The following LTBP4 variants were observed in gnomAD, a reference collection of about 807,000 sequenced individuals.
LTBP4 encodes latent-transforming growth factor beta-binding protein 4.
In LTBP4, 93 loss-of-function variants were observed where a neutral mutation model predicts 180.2. That is an observed-to-expected ratio of 0.52 (90% confidence interval 0.44 to 0.61). The LOEUF (loss-of-function observed/expected upper bound fraction) is 0.61. Among genes scored for constraint, LTBP4 ranks in the 20% least tolerant of loss-of-function variants. The pLI is 0.00. For missense variants in LTBP4, 2,116 were observed against 2,256.5 expected (o/e 0.94, Z 1.26); for synonymous variants, 947 against 934.5 (o/e 1.01, Z -0.24).
intron 7 of LTBP4, 32 bp from the exon 8 acceptor site, chr19:40,608,188 G>A: frequency 6.2e-7 from 1 of 1,613,124 alleles, no homozygotes; most frequent in Non-Finnish European, 8.5e-7. Context: ...CCGCTCTCTT[G>A]TCCTCTCTCT....
rs1166174027 is a variant in LTBP4 at position 40,611,256 on chromosome 19, G to T, written c.1915G>T (p.Ala639Ser). 2.4e-5 allele frequency: 38 copies of T among 1,612,846 alleles called. No homozygotes were observed. The highest frequency in any genetic ancestry group is 2.9e-5 in the Non-Finnish European group (34 of 1,179,550). Residue 639 changes from alanine to serine, a missense_variant, in exon 13 of 30, where the codon GCG (alanine) becomes TCG (serine). Physicochemically the swap from Ala to Ser is moderately conservative, Grantham distance 99. Around this residue, in one of 5 missense-constraint regions of LTBP4, gnomAD observed 877 missense variants for 873.6 expected, o/e 1.00. Coordinates refer to ENST00000396819, the MANE Select transcript of LTBP4 (RefSeq NM_001042545.2). The surrounding 1 kb of genome is among the most constrained non-coding windows in gnomAD (Gnocchi z 4.4). ...TTGCCCGGCTGGCTTCCGGGGCTCG[G>T]CGTGTGAAGAGGATGTGGATGAGTG... ...CVCPAGFRGSACEEDVDECAQ... is the reference protein window; with the variant it reads ...CVCPAGFRGSSCEEDVDECAQ...
At chr19:40,608,136 C>T in intron 7 of LTBP4, 84 bp from the exon 8 acceptor site, 2 of 1,498,592 alleles carry the variant, frequency 1.3e-6, no homozygotes, top group East Asian at 2.3e-5. Flanking sequence ...CAAGCCCTGC[C>T]CCTAGCCAAG....
At chr19:40,618,968 C>T (rs1485639113) in intron 21 of LTBP4, among the ~76,000 whole-genome samples, 1 of 152,046 alleles carries the variant, frequency 6.6e-6, no homozygotes, top group Non-Finnish European at 1.5e-5. Context: ...CTAACATCTC[C>T]AGTGGGCCAC....
chr19:40,611,071 G>T lies in LTBP4; in HGVS notation c.1811-81G>T. The T allele has an allele frequency of 6.3e-7, 1 of 1,577,590 alleles. No homozygotes were observed. Among genetic ancestry groups the T allele is most frequent in the Non-Finnish European group, 8.7e-7 (1 of 1,152,326 alleles). The stretch of plus-strand genomic sequence containing the variant: ...AGAGATGGGGTCACGGGGACAGAAT[G>T]TTGGAGGGTGGAAAGCCAAAGTGAC... On this transcript the variant is annotated intron_variant, in intron 12 of 29. Transcript: ENST00000396819. This position sits in a 1 kb window ranked among gnomAD's most constrained non-coding sequence, Gnocchi z 4.4.
At position 40,616,952 on chromosome 19, in the gene LTBP4, CT is replaced by C; in HGVS notation, c.2877del (p.Gly960AlafsTer66). On this transcript the variant is annotated frameshift_variant, in exon 20 of 30. Transcript: ENST00000396819. LOFTEE classifies it high-confidence loss of function. ...ICGAQRCENT[P>X]GSYRCTPACD... is the part of the protein sequence containing the mutation. ...GGAGCCCAGCGTTGTGAGAACACCCCTGGCTCCTACCGCTGCACACCAGCCT... is the reference window on the plus strand; with the variant it reads ...GGAGCCCAGCGTTGTGAGAACACCCCGGCTCCTACCGCTGCACACCAGCCT... 1 of 1,614,020 alleles carries C rather than the reference CT, an allele frequency of 6.2e-7. No homozygotes were observed. Among genetic ancestry groups the C allele is most frequent in the Non-Finnish European group, 8.5e-7 (1 of 1,179,894 alleles).
At chr19:40,610,917 G>A (rs1232382095) in intron 12 of LTBP4, 1 of 719,902 alleles carries the variant, frequency 1.4e-6, no homozygotes, top group African/African-American at 1.8e-5. Flanking sequence ...ATCGGGTAAG[G>A]GGAGCAGAGT....
chr19:40,621,787 C>T (rs994756279), intron 22 of LTBP4, among the ~76,000 whole-genome samples: 18 of 152,232 alleles, frequency 1.2e-4, no homozygotes, highest in Middle Eastern at 3.4e-3. Flanking sequence ...CTCGCTCTGT[C>T]GCCCAGGCTA....
In LTBP4 at chr19:40,605,945, C is replaced by G. The variant is rs2081458204; in HGVS notation, c.793+114C>G. The stretch of plus-strand genomic sequence containing the variant: ...TTCACAAATTGTAGCCACGCCTACC[C>G]CATTGTGGAGGCGACTTCCAGTCCT... On this transcript the variant is annotated intron_variant, in intron 4 of 29. Transcript: ENST00000396819. The surrounding 1 kb of genome is among the most constrained non-coding windows in gnomAD (Gnocchi z 5.5). 1 of 1,208,738 alleles carries G rather than the reference C, an allele frequency of 8.3e-7. No homozygotes were observed. Among genetic ancestry groups the G allele is most frequent in the African/African-American group, 1.5e-5 (1 of 65,834 alleles). The allele number at this position is 1,208,738 out of a possible 1,614,324, so 74.9% of individuals were successfully genotyped here. A position where few individuals can be genotyped will look rare whatever the true frequency, so the allele number is the denominator to read the frequency against.
Position 40,613,510 on chromosome 19 carries a change from C to A in LTBP4, c.2538C>A (p.Pro846=). Residue 846 remains proline, a synonymous_variant, in exon 17 of 30, where the codon CCC becomes CCA. Coordinates refer to ENST00000396819, the MANE Select transcript of LTBP4 (RefSeq NM_001042545.2). This position sits in a 1 kb window ranked among gnomAD's most constrained non-coding sequence, Gnocchi z 5.0. ...GTGCCCCTGGCTACCGACCCGGACC[C>A]CGCGGAGCCTCTTGCCTCGGTTCGT... The part of the protein sequence containing the change: ...CTCAPGYRPG[P]RGASCLDVDE... 2 of 1,573,714 alleles carry A rather than the reference C, an allele frequency of 1.3e-6. No individual in the cohort carries two copies.
chr19:40,623,269 G>C (rs2081600074), intron 24 of LTBP4, among the ~76,000 whole-genome samples: 1 of 151,662 alleles, frequency 6.6e-6, no homozygotes, highest in South Asian at 2.1e-4. Context: ...TTGTCTCCTG[G>C]GTTCAAGCGA....
At chr19:40,627,568 C>T in intron 28 of LTBP4, 137 bp from the exon 29 acceptor site, 2 of 1,311,792 alleles carry the variant, frequency 1.5e-6, no homozygotes, top group African/African-American at 1.5e-5. Context: ...TTACTGGCCC[C>T]GCAGCACCCG....
intron 21 of LTBP4, 114 bp from the exon 22 acceptor site, chr19:40,619,233 G>T (rs1423768519): frequency 9.4e-7 from 1 of 1,063,760 alleles, no homozygotes; most frequent in East Asian, 2.4e-5. Flanking sequence ...CAGATGATGG[G>T]ATCTGGGCCA....
rs2081621934 is a variant in LTBP4 at position 40,625,290 on chromosome 19, A to ATT, written c.3833-566_3833-565insTT. ...TATATATATATATATATATATATAT[A>ATT]TATATATATATATATATATATATAT... is the stretch of plus-strand genomic sequence containing the variant. On this transcript the variant is annotated intron_variant, in intron 26 of 29. Coordinates refer to ENST00000396819, the MANE Select transcript of LTBP4 (RefSeq NM_001042545.2). Among the ~76,000 whole-genome samples, 17 of 6,890 alleles carry ATT rather than the reference A, an allele frequency of 2.5e-3. 4 individuals carry two copies. The highest frequency in any genetic ancestry group is 3.5e-3 in the Non-Finnish European group (16 of 4,572). The allele number at this position is 6,890 out of a possible 152,430, so 4.5% of individuals were successfully genotyped here.
chr19:40,607,266 C>T (rs1469823965), intron 6 of LTBP4, 99 bp from the exon 7 acceptor site: 2 of 585,414 alleles, frequency 3.4e-6, no homozygotes, highest in Non-Finnish European at 5.3e-6. Flanking sequence ...CACCAACCCC[C>T]CACCCCCAAC....
At chr19:40,612,980 A>C (rs1599867844) in intron 15 of LTBP4, 85 bp from the exon 16 acceptor site, 2 of 1,337,976 alleles carry the variant, frequency 1.5e-6, no homozygotes, top group Non-Finnish European at 2.1e-6. Flanking sequence ...ACTTCCCACC[A>C]CCTCCCCCAG....
chr19:40,594,018 T>G (rs2146006316), intron 1 of LTBP4, among the ~76,000 whole-genome samples: 1 of 151,246 alleles, frequency 6.6e-6, no homozygotes, highest in South Asian at 2.1e-4. Flanking sequence ...GGCCTGAAAC[T>G]CCTGACCTCA....
At chr19:40,601,232 C>G (rs1351625312), upstream of LTBP4, 1 of 446,162 alleles carries the variant, frequency 2.2e-6, no homozygotes, top group Non-Finnish European at 3.0e-6. Flanking sequence ...AGCGCCCAGC[C>G]CCACGCGCCC....
chr19:40,627,613 G>A, intron 28 of LTBP4, 92 bp from the exon 29 acceptor site: 3 of 1,492,304 alleles, frequency 2.0e-6, no homozygotes, highest in Non-Finnish European at 2.7e-6. Context: ...AGTTTACAGC[G>A]AGAAAGATGG....
At position 40,608,205 on chromosome 19, in the gene LTBP4, C is replaced by T. The variant is rs745894986; in HGVS notation, c.1157-15C>T. On this transcript the variant is annotated splice_polypyrimidine_tract_variant and intron_variant, in intron 7 of 29. Coordinates refer to ENST00000396819, the MANE Select transcript of LTBP4 (RefSeq NM_001042545.2). ...GCTCTCTTGTCCTCTCTCTGTCTCT[C>T]TTACCTATTCCCAGAGGGTTTCCGG... 1.8e-5 allele frequency: 29 copies of T among 1,613,836 alleles called. No individual in the cohort carries two copies. The highest frequency in any genetic ancestry group is 2.5e-5 in the Non-Finnish European group (29 of 1,179,860).
Sources: allele counts gnomAD v4.1 joint callset (sites outside exome capture counted in the v4.1 genomes callset), GRCh38; gene constraint gnomAD v4.1.1; regional missense constraint gnomAD v4.1.1; non-coding constraint Gnocchi (gnomAD v3.1); transcripts MANE v1.5; gene names NCBI Gene and HGNC (gene_info 2026-07-23, HGNC 2026-07-21).